The following MALRD1 variants were observed in gnomAD, a reference collection of about 807,000 sequenced individuals.
The protein encoded by MALRD1 is MAM and LDL-receptor class A domain-containing protein 1.
In MALRD1, 247 loss-of-function variants were observed where a neutral mutation model predicts 242.1. That is an observed-to-expected ratio of 1.02 (90% CI 0.92 to 1.13). MALRD1 has a LOEUF of 1.13. Ranked by LOEUF, MALRD1 falls within the 50% of genes most tolerant of loss-of-function variation. The probability of loss-of-function intolerance (pLI) is 0.00; values close to 1 mark genes in which losing one functional copy is unlikely to be tolerated. For synonymous variants in MALRD1, 995 were observed against 866.6 expected, an observed-to-expected ratio of 1.15 and a Z score of -2.60; for missense variants, 2,989 against 2,533.1, an observed-to-expected ratio of 1.18 and a Z score of -3.86.
intron 13 of MALRD1, among the ~76,000 whole-genome samples, chr10:19,171,455 T>TATAC (rs72050316): frequency 1.2e-5 from 1 of 83,130 alleles, no homozygotes; most frequent in Non-Finnish European, 2.9e-5. Context: ...TATATATATA[T>TATAC]ATACACACAT....
chr10:19,514,173 A>T (rs1267298499), intron 31 of MALRD1, among the ~76,000 whole-genome samples: 1 of 152,224 alleles, frequency 6.6e-6, no homozygotes. Flanking sequence ...TTATAGTGCA[A>T]CTGGCAAGAA....
At chr10:19,267,410 C>T (rs376685773) in intron 19 of MALRD1, among the ~76,000 whole-genome samples, 144 of 152,120 alleles carry the variant, frequency 9.5e-4, no homozygotes, top group African/African-American at 3.3e-3. Context: ...GATGTCCTCC[C>T]CCACCCCTCA....
chr10:19,702,346 T>C (rs1447201349), intron 38 of MALRD1, among the ~76,000 whole-genome samples: 1 of 152,190 alleles, frequency 6.6e-6, no homozygotes, highest in Non-Finnish European at 1.5e-5. Context: ...TCATGCCCTC[T>C]GCCTGGCAGA....
chr10:19,331,227 T>C lies in MALRD1; in HGVS notation c.3688-142T>C, dbSNP rs186626414. The C allele has an allele frequency of 1.4e-4, 97 of 702,306 alleles. No homozygotes were observed. In the Middle Eastern group the frequency reaches 2.8e-3, roughly 20 times the overall value. The allele number at this position is 702,306 out of a possible 1,614,324, so 43.5% of individuals were successfully genotyped here. A position where few individuals can be genotyped will look rare whatever the true frequency, so the allele number is the denominator to read the frequency against. ...TAAATTTCCTGGGTCACTTTCAACATAGGGACATAAAAAACAAAAACAAAA... is the reference window on the plus strand; with the variant it reads ...TAAATTTCCTGGGTCACTTTCAACACAGGGACATAAAAAACAAAAACAAAA... On this transcript the variant is annotated intron_variant, in intron 23 of 39. Transcript: ENST00000454679.
chr10:19,144,582 C>T lies in MALRD1; in HGVS notation c.1412-1616C>T, dbSNP rs190655318. Among the ~76,000 whole-genome samples, 68 of 152,288 alleles carry T rather than the reference C, an allele frequency of 4.5e-4. 1 individual carries two copies. The South Asian group carries it at 0.011, about 26-fold the overall frequency. ...AGATATAGTGAGCTTATTTGATATG[C>T]TGGTTAAATTGGCCGTATTAAAATT... On this transcript the variant is annotated intron_variant, in intron 10 of 39. Coordinates refer to ENST00000454679, the MANE Select transcript of MALRD1 (RefSeq NM_001142308.3).
intron 29 of MALRD1, among the ~76,000 whole-genome samples, chr10:19,451,743 C>G (rs1027497531): frequency 4.6e-5 from 7 of 152,168 alleles, no homozygotes; most frequent in African/African-American, 1.4e-4. Flanking sequence ...ATGAGTGGTA[C>G]TGTTTCAAAA....
At position 19,124,660 on chromosome 10, in the gene MALRD1, T is replaced by C; in HGVS notation, c.933T>C (p.Gly311=). The C allele has an allele frequency of 8.1e-7, 1 of 1,233,228 alleles. No homozygotes were observed. The highest frequency in any genetic ancestry group is 1.6e-5 in the African/African-American group (1 of 64,360). The allele number at this position is 1,233,228 out of a possible 1,614,324, so 76.4% of individuals were successfully genotyped here. Residue 311 remains glycine (G), a synonymous_variant, in exon 7 of 40, where the codon GGT becomes GGC. Transcript: ENST00000454679. ...CCACACCTCAGCAGGATCAAGGAGG[T>C]GATGATGAAGGTAGAAAAAAAAATA... ...FESTPQQDQG[G]DDEGYYVWVG... is the part of the protein sequence containing the mutation.
chr10:19,527,274 G>C (rs1834143457), intron 31 of MALRD1, among the ~76,000 whole-genome samples: 1 of 152,122 alleles, frequency 6.6e-6, no homozygotes, highest in Non-Finnish European at 1.5e-5. Flanking sequence ...CATTTGGTTA[G>C]ACTTAATTCA....
intron 29 of MALRD1, among the ~76,000 whole-genome samples, chr10:19,468,415 A>G (rs1255167647): frequency 6.6e-6 from 1 of 152,228 alleles, no homozygotes; most frequent in Non-Finnish European, 1.5e-5. Flanking sequence ...AGAAATGAAC[A>G]TACTTAGAAA....
chr10:19,218,249 T>C (rs933192530), intron 18 of MALRD1, among the ~76,000 whole-genome samples: 1 of 152,192 alleles, frequency 6.6e-6, no homozygotes, highest in African/African-American at 2.4e-5. Flanking sequence ...GTGTTTTACT[T>C]AAAGTTATTC....
rs548261621 is a variant in MALRD1, at chr10:19,195,882, C to T, written c.1952-7846C>T. On this transcript the variant is annotated intron_variant, in intron 14 of 39. Coordinates refer to ENST00000454679, the MANE Select transcript of MALRD1 (RefSeq NM_001142308.3). ...AATTTCCCCAGTCCATTCCTTCCCC[C>T]GCCCTCCTCAATGAATAACACATTT... 3.3e-5 allele frequency among the ~76,000 whole-genome samples: 5 copies of T among 152,278 alleles called. No homozygotes were observed. The East Asian group carries it at 5.8e-4, about 18-fold the overall frequency.
chr10:19,638,662 G>T (rs1238874858), intron 36 of MALRD1, among the ~76,000 whole-genome samples: 3 of 152,184 alleles, frequency 2.0e-5, no homozygotes, highest in Non-Finnish European at 2.9e-5. Flanking sequence ...CTTCAGGAAT[G>T]TGAGTCAAGC....
At chr10:19,732,567 C>A (rs1302865928) in intron 39 of MALRD1, among the ~76,000 whole-genome samples, 2 of 152,126 alleles carry the variant, frequency 1.3e-5, no homozygotes, top group Non-Finnish European at 2.9e-5. Flanking sequence ...CTGGCCAGAA[C>A]ATTTAATATT....
chr10:19,114,392 T>C (rs1836797079), intron 5 of MALRD1, among the ~76,000 whole-genome samples: 1 of 152,196 alleles, frequency 6.6e-6, no homozygotes. Flanking sequence ...GAAATGATTG[T>C]TTAGGAGGCT....
chr10:19,536,043 A>G (rs888685689), intron 32 of MALRD1, among the ~76,000 whole-genome samples: 3 of 152,192 alleles, frequency 2.0e-5, no homozygotes, highest in African/African-American at 7.2e-5. Flanking sequence ...TCTCCTTGTC[A>G]GCGTAAATTT....
At chr10:19,534,171 A>G (rs527980613) in intron 32 of MALRD1, among the ~76,000 whole-genome samples, 192 of 152,296 alleles carry the variant, frequency 1.3e-3, no homozygotes, top group African/African-American at 4.4e-3. Flanking sequence ...TTGCTACTGA[A>G]AAAGCCCTCG....
At chr10:19,561,603 T>G (rs776364854) in intron 32 of MALRD1, among the ~76,000 whole-genome samples, 8 of 152,222 alleles carry the variant, frequency 5.3e-5, no homozygotes, top group Non-Finnish European at 7.3e-5. Context: ...AACAATGCCT[T>G]TGACAGGGTA....
intron 36 of MALRD1, among the ~76,000 whole-genome samples, chr10:19,653,399 G>C (rs1368866938): frequency 1.3e-5 from 2 of 151,930 alleles, no homozygotes; most frequent in Non-Finnish European, 2.9e-5. Flanking sequence ...AGGTCTCACT[G>C]TGTTACCCAG....
chr10:19,313,894 T>C (rs963979825), intron 21 of MALRD1, among the ~76,000 whole-genome samples: 2 of 151,572 alleles, frequency 1.3e-5, no homozygotes, highest in African/African-American at 4.8e-5. Context: ...GGTTAAACCC[T>C]AGGTGGTTCT....
Sources: gnomAD v4.1 joint callset for allele counts (sites outside exome capture counted in the v4.1 genomes callset) on GRCh38, gnomAD v4.1.1 for gene constraint, MANE v1.5 for transcripts, NCBI Gene and HGNC (gene_info 2026-07-23, HGNC 2026-07-21) for gene names.